The following FEZ1 variants were observed in gnomAD, a reference collection of about 807,000 sequenced individuals.
FEZ1 encodes fasciculation and elongation protein zeta-1.
FEZ1 carries 20 observed loss-of-function variants against 49.3 expected under a neutral mutation model. The ratio of observed to expected loss-of-function variants is 0.41; its 90% CI spans 0.29 to 0.59. The LOEUF is 0.59. Ranked by LOEUF, FEZ1 falls within the 20% of genes least tolerant of loss-of-function variation. The pLI, the probability that FEZ1 is intolerant of heterozygous loss-of-function variation, is 0.36. For missense variants in FEZ1, 413 were observed against 476.0 expected (o/e 0.87, Z 1.23); for synonymous variants, 170 against 180.9 (o/e 0.94, Z 0.48).
At chr11:125,470,211 C>T (rs376298550) in intron 3 of FEZ1, among the ~76,000 whole-genome samples, 20 of 152,258 alleles carry the variant, frequency 1.3e-4, no homozygotes, top group South Asian at 4.1e-4. Flanking sequence ...CAAAATGTGT[C>T]CTATTTATCA....
rs533038093 is a variant in FEZ1 at position 125,484,204 on chromosome 11, G to A, written c.312-2571C>T. On this transcript the variant is annotated intron_variant, in intron 2 of 9. Coordinates refer to ENST00000278919, the MANE Select transcript of FEZ1 (RefSeq NM_005103.5). ...TTGCTGAGCACTTACTATGAGCCAG[G>A]TAGTACTCTAAACCAGATTCGAAAC... is the stretch of plus-strand genomic sequence containing the variant. Among the ~76,000 whole-genome samples the A allele has an allele frequency of 1.5e-3, 222 of 152,152 alleles. 5 individuals carry two copies. The highest frequency in any genetic ancestry group is 4.4e-4 in the Non-Finnish European group (30 of 68,034).
rs566240219 is a variant in FEZ1, at chr11:125,468,136, G to A, written c.412-4566C>T. ...AGGACCAAGCTTACAATGAAACTCTGAGTAGAGTTCCACAGTCTCTCTTGC... is the reference window on the plus strand; with the variant it reads ...AGGACCAAGCTTACAATGAAACTCTAAGTAGAGTTCCACAGTCTCTCTTGC... On this transcript the variant is annotated intron_variant, in intron 3 of 9. Transcript: ENST00000278919. Among the ~76,000 whole-genome samples the A allele has an allele frequency of 8.2e-4, 125 of 152,146 alleles. 5 individuals are homozygous for A. The South Asian group carries it at 0.026, about 31-fold the overall frequency.
chr11:125,493,455 AAG>A lies in FEZ1; in HGVS notation c.-46+2664_-46+2665del, dbSNP rs1342272892. Among the ~76,000 whole-genome samples, 21 of 60,008 alleles carry A rather than the reference AAG, an allele frequency of 3.5e-4. 3 individuals carry two copies. The highest frequency in any genetic ancestry group is 1.9e-3 in the African/African-American group (16 of 8,508). 39.4% of individuals were successfully genotyped at this position (60,008 alleles called of 152,430 possible). A position where few individuals can be genotyped will look rare whatever the true frequency, so the allele number is the denominator to read the frequency against. ...GAAGGAAAGAAGGAAAGAAGGAAAG[AAG>A]GAAAGAAGGAAAGAAGGAAAGAAGG... On this transcript the variant is annotated intron_variant, in intron 1 of 9. Coordinates refer to ENST00000278919, the MANE Select transcript of FEZ1 (RefSeq NM_005103.5).
intron 3 of FEZ1, among the ~76,000 whole-genome samples, chr11:125,472,315 T>C (rs941804265): frequency 6.6e-6 from 1 of 151,890 alleles, no homozygotes; most frequent in African/African-American, 2.4e-5. Context: ...AAAGTGGTTC[T>C]CTGAAAAGAT....
chr11:125,455,878 A>C lies in FEZ1; in HGVS notation c.896T>G (p.Leu299Arg). The part of the protein sequence containing the change: ...KKRRKEKGLS[L>R]QSSRIEKGNQ... Reference sequence around the variant, plus strand: ...TCCCTTCTCTATCCGGCTGCTCTGCAGGCTCAGCCCTTTCTCTTTCCGCCT... The same window carrying C: ...TCCCTTCTCTATCCGGCTGCTCTGCCGGCTCAGCCCTTTCTCTTTCCGCCT... The change falls in exon 6 of 10, where the codon CTG becomes CGG. Residue 299 changes from leucine to arginine, a missense_variant. Leu to Arg is a moderately radical substitution (Grantham distance 102, BLOSUM62 -2). Transcript: ENST00000278919. The C allele has an allele frequency of 6.2e-7, 1 of 1,613,874 alleles. No homozygotes were observed. The highest frequency in any genetic ancestry group is 8.5e-7 in the Non-Finnish European group (1 of 1,179,970).
intron 1 of FEZ1, among the ~76,000 whole-genome samples, chr11:125,490,713 A>T (rs184708732): frequency 0.015 from 2,262 of 151,160 alleles, 56 homozygotes; most frequent in African/African-American, 0.051. Flanking sequence ...ATTTTTTTAA[A>T]AAAACTAATA....
At chr11:125,448,807 G>A (rs893269159) in intron 8 of FEZ1, among the ~76,000 whole-genome samples, 3 of 151,992 alleles carry the variant, frequency 2.0e-5, no homozygotes, top group Non-Finnish European at 1.5e-5. Context: ...AGTTTCAGTT[G>A]TAACCCAGAC....
intron 5 of FEZ1, among the ~76,000 whole-genome samples, chr11:125,457,143 A>G (rs1014771196): frequency 8.0e-5 from 11 of 137,270 alleles, no homozygotes; most frequent in Admixed American, 1.5e-4. Flanking sequence ...AGATCACACC[A>G]CTGTACTCTA....
At chr11:125,469,304 A>C (rs1160135785) in intron 3 of FEZ1, 1 of 152,388 alleles carries the variant, frequency 6.6e-6, no homozygotes, top group Non-Finnish European at 1.5e-5. Flanking sequence ...TGTCACCTAG[A>C]CTGAAGGGGA....
At chr11:125,475,220 A>G (rs1227135325) in intron 3 of FEZ1, among the ~76,000 whole-genome samples, 1 of 151,714 alleles carries the variant, frequency 6.6e-6, no homozygotes, top group Non-Finnish European at 1.5e-5. Flanking sequence ...CTGTGAGCTG[A>G]GATTGAGCCA....
intron 6 of FEZ1, chr11:125,455,578 C>T (rs953643301): frequency 1.9e-6 from 1 of 540,016 alleles, no homozygotes; most frequent in African/African-American, 1.9e-5. Flanking sequence ...TAAGGTCTTG[C>T]CTACAGAGAA....
chr11:125,461,582 G>A lies in FEZ1; in HGVS notation c.499-916C>T, dbSNP rs538428687. Among the ~76,000 whole-genome samples the A allele has an allele frequency of 1.4e-4, 22 of 152,240 alleles. No homozygotes were observed. In the South Asian group the frequency reaches 4.4e-3, roughly 30 times the overall value. ...AGACTGGGCCACTGGACTCCAGCCT[G>A]GGCAATAGAGCCAGATCCTGTTTCA... is the stretch of plus-strand genomic sequence containing the variant. On this transcript the variant is annotated intron_variant, in intron 4 of 9. Transcript: ENST00000278919.
intron 4 of FEZ1, among the ~76,000 whole-genome samples, chr11:125,462,584 T>C (rs1008309475): frequency 5.3e-5 from 8 of 152,246 alleles, no homozygotes; most frequent in African/African-American, 1.9e-4. Flanking sequence ...CTAAACACTA[T>C]GCCTGTCTCT....
rs1956870657 is a variant in FEZ1, at chr11:125,443,158, G to A, written c.*2937C>T. Among the ~76,000 whole-genome samples, 1 of 152,080 alleles carries A rather than the reference G, an allele frequency of 6.6e-6. No homozygotes were observed. The highest frequency in any genetic ancestry group is 1.9e-4 in the East Asian group (1 of 5,192). On this transcript the variant is annotated 3_prime_UTR_variant, in exon 10 of 10. Coordinates refer to ENST00000278919, the MANE Select transcript of FEZ1 (RefSeq NM_005103.5). ...GACAGACCTCTGACCTACCTAGGAGGGCTCCCTGCAGACCGTGGCTCTCTG... is the reference window on the plus strand; with the variant it reads ...GACAGACCTCTGACCTACCTAGGAGAGCTCCCTGCAGACCGTGGCTCTCTG...
At chr11:125,477,824 G>C (rs1346511006) in intron 3 of FEZ1, among the ~76,000 whole-genome samples, 1 of 149,316 alleles carries the variant, frequency 6.7e-6, no homozygotes, top group Non-Finnish European at 1.5e-5. Context: ...ATGTGGCCCC[G>C]CATGGCCCCA....
intron 7 of FEZ1, chr11:125,453,878 C>T (rs1956980645): frequency 9.0e-6 from 3 of 334,424 alleles, no homozygotes; most frequent in Admixed American, 1.1e-4. Context: ...CTTAGACCTA[C>T]AAGCAGTGTT....
chr11:125,470,125 A>G (rs998202687), intron 3 of FEZ1, among the ~76,000 whole-genome samples: 1 of 152,236 alleles, frequency 6.6e-6, no homozygotes, highest in Non-Finnish European at 1.5e-5. Context: ...CAAAAGCAAC[A>G]GAGAGAGCAG....
At chr11:125,466,622 A>G (rs552920809) in intron 3 of FEZ1, among the ~76,000 whole-genome samples, 1 of 152,362 alleles carries the variant, frequency 6.6e-6, no homozygotes, top group East Asian at 1.9e-4. Context: ...TGGCTATACC[A>G]TTCAGCAAGC....
intron 4 of FEZ1, among the ~76,000 whole-genome samples, chr11:125,462,599 C>T (rs1360428787): frequency 3.3e-5 from 5 of 152,330 alleles, no homozygotes; most frequent in Admixed American, 6.5e-5. Flanking sequence ...GTCTCTGGCT[C>T]CTATCAGAGA....
Sources: gnomAD v4.1 joint callset for allele counts (sites outside exome capture counted in the v4.1 genomes callset) on GRCh38, gnomAD v4.1.1 for gene constraint, MANE v1.5 for transcripts, NCBI Gene and HGNC (gene_info 2026-07-23, HGNC 2026-07-21) for gene names.